The following SUPT3H variants were observed in gnomAD, a reference collection of about 807,000 sequenced individuals.
The protein encoded by SUPT3H is transcription initiation protein SPT3 homolog.
In SUPT3H, 44 loss-of-function variants were observed where a neutral mutation model predicts 44.3. The observed-to-expected ratio is 0.99, with a 90% confidence interval of 0.78 to 1.28. The LOEUF (loss-of-function observed/expected upper bound fraction) is 1.28. SUPT3H is among the 50% of genes most tolerant of loss of function. SUPT3H has a pLI of 0.00. For synonymous variants in SUPT3H, 124 were observed against 125.6 expected (o/e 0.99, Z 0.09); for missense variants, 380 against 387.1 (o/e 0.98, Z 0.15).
chr6:45,220,125 ATCAGGC>A (rs1239993414), intron 2 of SUPT3H, among the ~76,000 whole-genome samples: 2 of 151,056 alleles, frequency 1.3e-5, no homozygotes, highest in African/African-American at 4.9e-5. Flanking sequence ...TTCCCATTTT[ATCAGGC>A]AAATATAAAC....
At chr6:44,910,759 C>T (rs1404410131) in intron 10 of SUPT3H, among the ~76,000 whole-genome samples, 2 of 150,862 alleles carry the variant, frequency 1.3e-5, no homozygotes, top group South Asian at 2.1e-4. Context: ...TTTATGAGGC[C>T]GAGGAGGGTG....
At chr6:44,852,692 A>G (rs1203297011) in intron 10 of SUPT3H, among the ~76,000 whole-genome samples, 1 of 152,230 alleles carries the variant, frequency 6.6e-6, no homozygotes, top group African/African-American at 2.4e-5. Flanking sequence ...AAGAACAGCT[A>G]TGGTAAATTC....
At chr6:44,902,218 C>A (rs921288068) in intron 10 of SUPT3H, among the ~76,000 whole-genome samples, 5 of 152,122 alleles carry the variant, frequency 3.3e-5, no homozygotes, top group Non-Finnish European at 7.4e-5. Context: ...AATTAAAAGA[C>A]ACAGACTGGC....
At chr6:45,320,692 T>C (rs1359851804) in intron 2 of SUPT3H, among the ~76,000 whole-genome samples, 4 of 152,194 alleles carry the variant, frequency 2.6e-5, no homozygotes, top group African/African-American at 9.7e-5. Flanking sequence ...ACAGAAATCC[T>C]ATGGCCCACA....
At chr6:45,252,556 C>T (rs1772558058) in intron 2 of SUPT3H, among the ~76,000 whole-genome samples, 1 of 151,812 alleles carries the variant, frequency 6.6e-6, no homozygotes, top group African/African-American at 2.4e-5. Context: ...AATAGAATTT[C>T]ACATCCAGGA....
intron 3 of SUPT3H, among the ~76,000 whole-genome samples, chr6:45,040,310 T>C (rs1164791876): frequency 6.6e-6 from 1 of 152,106 alleles, no homozygotes. Context: ...GGGGAAAATA[T>C]GAAAATTATA....
chr6:45,200,962 G>A (rs1043543039), intron 2 of SUPT3H, among the ~76,000 whole-genome samples: 1 of 151,438 alleles, frequency 6.6e-6, no homozygotes, highest in Non-Finnish European at 1.5e-5. Context: ...AAACAGTCAT[G>A]TGTACAAATA....
rs868422074 is a variant in SUPT3H, at chr6:44,986,488, A to C, written c.504+17165T>G. On this transcript the variant is annotated intron_variant, in intron 6 of 10. Transcript: ENST00000371459. ...TATTGAGGACACTACAATTTATTGC[A>C]CTTGGTAGAGGGAAATGTCTTGGCT... Among the ~76,000 whole-genome samples the C allele has an allele frequency of 2.6e-5, 4 of 152,282 alleles. No homozygotes were observed. In the South Asian group the frequency reaches 8.3e-4, roughly 32 times the overall value.
At chr6:44,939,113 G>A (rs913953430) in intron 9 of SUPT3H, among the ~76,000 whole-genome samples, 1 of 152,086 alleles carries the variant, frequency 6.6e-6, no homozygotes, top group African/African-American at 2.4e-5. Context: ...TGTTGAATAG[G>A]AGTGGTTAAA....
chr6:44,810,989 C>G (rs1766480032), intron 11 of SUPT3H, among the ~76,000 whole-genome samples: 1 of 152,270 alleles, frequency 6.6e-6, no homozygotes, highest in Non-Finnish European at 1.5e-5. Context: ...ATACCCAACA[C>G]CTACTTTCCT....
intron 2 of SUPT3H, among the ~76,000 whole-genome samples, chr6:45,286,884 C>G (rs952527775): frequency 6.6e-6 from 1 of 152,270 alleles, no homozygotes; most frequent in Non-Finnish European, 1.5e-5. Flanking sequence ...AAATGTGGCA[C>G]ATACACACCA....
chr6:44,878,999 T>G (rs1777755147), intron 10 of SUPT3H, among the ~76,000 whole-genome samples: 1 of 152,100 alleles, frequency 6.6e-6, no homozygotes. Flanking sequence ...ACTGGGCAGC[T>G]GTTTGGGCAG....
At chr6:45,042,747 G>C (rs540128472) in intron 3 of SUPT3H, among the ~76,000 whole-genome samples, 1 of 152,056 alleles carries the variant, frequency 6.6e-6, no homozygotes, top group Non-Finnish European at 1.5e-5. Context: ...CCATTACTGG[G>C]TATATACCCA....
intron 3 of SUPT3H, among the ~76,000 whole-genome samples, chr6:45,036,892 A>G (rs1045064875): frequency 6.6e-6 from 1 of 152,166 alleles, no homozygotes; most frequent in South Asian, 2.1e-4. Flanking sequence ...GAAGTCCCCA[A>G]GATGTAAGGG....
At chr6:45,315,167 C>A (rs969082381) in intron 2 of SUPT3H, among the ~76,000 whole-genome samples, 2 of 152,032 alleles carry the variant, frequency 1.3e-5, no homozygotes, top group African/African-American at 2.4e-5. Context: ...AAATCTAAGA[C>A]CTGAAACTAA....
intron 2 of SUPT3H, among the ~76,000 whole-genome samples, chr6:45,198,444 T>C (rs1019447398): frequency 6.6e-5 from 10 of 151,368 alleles, no homozygotes; most frequent in Admixed American, 5.3e-4. Context: ...TCCTAATACT[T>C]TGTTATATCT....
At chr6:45,108,250 C>T (rs965006992) in intron 2 of SUPT3H, among the ~76,000 whole-genome samples, 6 of 152,300 alleles carry the variant, frequency 3.9e-5, no homozygotes, top group Admixed American at 3.3e-4. Context: ...CCAAGGCTGG[C>T]GGATTGCATG....
chr6:45,049,074 TATTA>T (rs145539682), intron 3 of SUPT3H, among the ~76,000 whole-genome samples: 2,891 of 152,302 alleles, frequency 0.019, 55 homozygotes, highest in South Asian at 0.085. Flanking sequence ...GTAATACATA[TATTA>T]ATTAGCTCAA....
chr6:45,147,382 GTTCC>G (rs1336123439), intron 2 of SUPT3H, among the ~76,000 whole-genome samples: 1 of 152,128 alleles, frequency 6.6e-6, no homozygotes, highest in South Asian at 2.1e-4. Context: ...TTTCTTCATT[GTTCC>G]TTCCTTCCTT....
Sources: gnomAD v4.1 joint callset for allele counts (sites outside exome capture counted in the v4.1 genomes callset) on GRCh38, gnomAD v4.1.1 for gene constraint, MANE v1.5 for transcripts, NCBI Gene and HGNC (gene_info 2026-07-23, HGNC 2026-07-21) for gene names.